The following USP12 variants were observed in gnomAD, a reference collection of about 807,000 sequenced individuals.
The protein encoded by USP12 is ubiquitin carboxyl-terminal hydrolase 12.
USP12 carries 19 observed loss-of-function variants against 45.5 expected under a neutral mutation model. The ratio of observed to expected loss-of-function variants is 0.42; its 90% confidence interval spans 0.29 to 0.61. USP12 has a LOEUF of 0.61. USP12 is among the 20% of genes least tolerant of loss of function. The pLI is 0.22. For missense variants in USP12, 242 were observed against 447.7 expected, an observed-to-expected ratio of 0.54 and a Z score of 4.15; for synonymous variants, 149 against 148.8, an observed-to-expected ratio of 1.00 and a Z score of -0.01.
In USP12 at chr13:27,075,332, T is replaced by C; in HGVS notation, c.791A>G (p.Tyr264Cys). 6.2e-7 allele frequency: 1 copy of C among 1,614,220 alleles called. No homozygotes were observed. The highest frequency in any genetic ancestry group is 8.5e-7 in the Non-Finnish European group (1 of 1,180,030). ...TGTATATCGATGAAGTTGATCCATA[T>C]ATTTAAATCTCTTCAGGTGTAGAGC... ...ILALHLKRFK[Y>C]MDQLHRYTKL... The change falls in exon 7 of 9, where the codon TAT (tyrosine) becomes TGT (cysteine). Residue 264 changes from tyrosine to cysteine, a missense_variant. Physicochemically the swap from Tyr to Cys is radical, Grantham distance 194. Around this residue, in one of 5 missense-constraint regions of USP12, gnomAD observed 94 missense variants for 168.3 expected, o/e 0.56. Coordinates refer to ENST00000282344, the MANE Select transcript of USP12 (RefSeq NM_182488.4).
At chr13:27,111,065 T>A (rs1395606396) in intron 2 of USP12, among the ~76,000 whole-genome samples, 1 of 152,218 alleles carries the variant, frequency 6.6e-6, no homozygotes, top group Non-Finnish European at 1.5e-5. Flanking sequence ...CTGTCCAACA[T>A]GACTTGCTCA....
chr13:27,093,955 C>T (rs1874439091), intron 4 of USP12, among the ~76,000 whole-genome samples: 1 of 152,148 alleles, frequency 6.6e-6, no homozygotes, highest in Admixed American at 6.5e-5. Flanking sequence ...ATGATTTCAA[C>T]TACACAATAT....
At chr13:27,079,689 T>G (rs1873660285) in intron 6 of USP12, among the ~76,000 whole-genome samples, 1 of 152,182 alleles carries the variant, frequency 6.6e-6, no homozygotes, top group Admixed American at 6.5e-5. Context: ...TTTTTATAAA[T>G]TGTGTGAGCC....
chr13:27,166,295 G>C (rs1224664226), intron 1 of USP12, among the ~76,000 whole-genome samples: 2 of 152,080 alleles, frequency 1.3e-5, no homozygotes, highest in Non-Finnish European at 2.9e-5. Context: ...AATCTAAAAA[G>C]GTTTCTGGAA....
intron 6 of USP12, among the ~76,000 whole-genome samples, chr13:27,084,173 C>T (rs868138541): frequency 5.0e-3 from 19 of 3,832 alleles, no homozygotes; most frequent in African/African-American, 8.0e-3. Context: ...TTTGCATACA[C>T]ACACACACAC....
chr13:27,095,872 C>T (rs1874556332), intron 3 of USP12, 42 bp from the exon 4 acceptor site: 2 of 1,442,856 alleles, frequency 1.4e-6, no homozygotes, highest in East Asian at 2.4e-5. Context: ...TTTCAGAATT[C>T]ATAACTTCAT....
intron 1 of USP12, among the ~76,000 whole-genome samples, chr13:27,136,178 C>T (rs1029599740): frequency 6.6e-6 from 1 of 152,102 alleles, no homozygotes; most frequent in Admixed American, 6.6e-5. Context: ...CTCCTAAGTC[C>T]AAGTCTACAA....
chr13:27,142,529 C>T (rs983754055), intron 1 of USP12, among the ~76,000 whole-genome samples: 7 of 152,098 alleles, frequency 4.6e-5, no homozygotes, highest in African/African-American at 9.7e-5. Context: ...TAAGTTTTTA[C>T]GAATGTACAC....
At chr13:27,168,812 CAGTT>C (rs1414460275) in intron 1 of USP12, 3 of 152,172 alleles carry the variant, frequency 2.0e-5, no homozygotes, top group Non-Finnish European at 2.9e-5. Flanking sequence ...TTGTTTTTAA[CAGTT>C]ACTTAACCCA....
chr13:27,125,986 G>GC (rs1216833382), intron 1 of USP12, among the ~76,000 whole-genome samples: 1 of 152,260 alleles, frequency 6.6e-6, no homozygotes, highest in African/African-American at 2.4e-5. Context: ...ACTGGGCGGA[G>GC]CCCACCACAG....
chr13:27,067,344 A>G lies in USP12; in HGVS notation c.*1939T>C, dbSNP rs1322072152. The G allele has an allele frequency of 6.6e-6, 1 of 152,154 alleles. No homozygotes were observed. The highest frequency in any genetic ancestry group is 1.5e-5 in the Non-Finnish European group (1 of 68,026). 9.4% of individuals were successfully genotyped at this position (152,154 alleles called of 1,614,324 possible). ...TGGTTTAAGCCTTCAAAATAAAAAG[A>G]GTGCATCCACTTCCACTGCCCTGAC... On this transcript the variant is annotated 3_prime_UTR_variant, in exon 9 of 9. Coordinates refer to ENST00000282344, the MANE Select transcript of USP12 (RefSeq NM_182488.4).
At chr13:27,124,649 C>A (rs902161077) in intron 1 of USP12, among the ~76,000 whole-genome samples, 1 of 152,114 alleles carries the variant, frequency 6.6e-6, no homozygotes, top group African/African-American at 2.4e-5. Context: ...GGGAAAAGCA[C>A]GTGACCTGGT....
chr13:27,111,388 C>A (rs992844560), intron 2 of USP12, among the ~76,000 whole-genome samples: 3 of 152,046 alleles, frequency 2.0e-5, no homozygotes, highest in Admixed American at 6.6e-5. Flanking sequence ...TGCTCAATTT[C>A]TTAAAAAACA....
intron 1 of USP12, among the ~76,000 whole-genome samples, chr13:27,155,275 G>C (rs949296884): frequency 6.6e-6 from 1 of 151,550 alleles, no homozygotes; most frequent in African/African-American, 2.4e-5. Flanking sequence ...TAGAGACAGG[G>C]TTTCACCATG....
chr13:27,166,456 G>A lies in USP12; in HGVS notation c.48+5136C>T, dbSNP rs1366650462. ...GGCAGACTCAGTTTGGGGGGACTTG[G>A]TCAAAAGTCTAGAATCAAATAAGGC... On this transcript the variant is annotated intron_variant, in intron 1 of 8. Coordinates refer to ENST00000282344, the MANE Select transcript of USP12 (RefSeq NM_182488.4). Among the ~76,000 whole-genome samples the A allele has an allele frequency of 5.3e-5, 8 of 152,116 alleles. No individual in the cohort carries two copies. The East Asian group carries it at 1.5e-3, about 29-fold the overall frequency.
chr13:27,162,309 G>A (rs923982892), intron 1 of USP12, among the ~76,000 whole-genome samples: 8 of 152,128 alleles, frequency 5.3e-5, no homozygotes, highest in Non-Finnish European at 1.0e-4. Context: ...ATATGCAGCC[G>A]AAAAGTCAGG....
intron 1 of USP12, among the ~76,000 whole-genome samples, chr13:27,158,348 C>A (rs998157504): frequency 6.6e-6 from 1 of 152,148 alleles, no homozygotes; most frequent in Non-Finnish European, 1.5e-5. Context: ...CAGAGGGAAC[C>A]AACCCTGTCG....
At chr13:27,070,949 A>G in intron 8 of USP12, 122 bp downstream of exon 8, 1 of 803,092 alleles carries the variant, frequency 1.2e-6, no homozygotes. Context: ...ACTACAATCT[A>G]TAGACCCAGA....
intron 6 of USP12, among the ~76,000 whole-genome samples, chr13:27,081,959 T>A (rs1319384226): frequency 6.6e-6 from 1 of 152,210 alleles, no homozygotes; most frequent in Non-Finnish European, 1.5e-5. Flanking sequence ...TCATCCAGGC[T>A]TTGTTTCTTT....
Sources: allele counts gnomAD v4.1 joint callset (sites outside exome capture counted in the v4.1 genomes callset), GRCh38; gene constraint gnomAD v4.1.1; regional missense constraint gnomAD v4.1.1; transcripts MANE v1.5; gene names NCBI Gene and HGNC (gene_info 2026-07-23, HGNC 2026-07-21).